RPTOR: variants seen among roughly 807,000 people sequenced by gnomAD.
RPTOR encodes regulatory associated protein of MTOR complex 1.
A neutral mutation model predicts 169.9 loss-of-function variants in RPTOR; 21 were observed. The observed-to-expected ratio is 0.12, with a 90% confidence interval of 0.09 to 0.18. The LOEUF (loss-of-function observed/expected upper bound fraction) is 0.18. RPTOR is among the 10% of genes least tolerant of loss of function. RPTOR has a pLI of 1.00. For missense variants in RPTOR, 1,133 were observed against 1,855.9 expected, an observed-to-expected ratio of 0.61 and a Z score of 7.16; for synonymous variants, 732 against 753.2, an observed-to-expected ratio of 0.97 and a Z score of 0.46.
chr17:80,756,653 G>A (rs561283888), intron 6 of RPTOR, among the ~76,000 whole-genome samples: 2 of 152,104 alleles, frequency 1.3e-5, no homozygotes, highest in Non-Finnish European at 2.9e-5. Context: ...ATAGTACCCA[G>A]TTTAGCTTCA....
intron 4 of RPTOR, among the ~76,000 whole-genome samples, chr17:80,718,800 CAT>C (rs1384338468): frequency 6.6e-6 from 1 of 152,228 alleles, no homozygotes; most frequent in East Asian, 1.9e-4. Flanking sequence ...CAGGCTAAGG[CAT>C]AGAGCACCTC....
intron 11 of RPTOR, among the ~76,000 whole-genome samples, chr17:80,852,315 G>C (rs1256451231): frequency 6.6e-6 from 1 of 152,146 alleles, no homozygotes; most frequent in African/African-American, 2.4e-5. Flanking sequence ...ATGGAGGCAG[G>C]GTTAACATCA....
chr17:80,610,076 G>A (rs2065259310), intron 1 of RPTOR, among the ~76,000 whole-genome samples: 1 of 152,164 alleles, frequency 6.6e-6, no homozygotes, highest in Non-Finnish European at 1.5e-5. Context: ...AATGGTCATA[G>A]AGTTGCTTTT....
intron 2 of RPTOR, among the ~76,000 whole-genome samples, chr17:80,630,203 A>C (rs949190744): frequency 1.3e-5 from 2 of 152,176 alleles, no homozygotes; most frequent in Admixed American, 6.5e-5. Context: ...TCTTGACTGT[A>C]ATTTGCTTTT....
At chr17:80,675,517 T>C (rs2065855245) in intron 3 of RPTOR, among the ~76,000 whole-genome samples, 1 of 152,242 alleles carries the variant, frequency 6.6e-6, no homozygotes, top group African/African-American at 2.4e-5. Flanking sequence ...GCTCTGCGTC[T>C]GCAGCCCTCT....
chr17:80,777,426 C>T (rs181327047), intron 6 of RPTOR, among the ~76,000 whole-genome samples: 179 of 152,236 alleles, frequency 1.2e-3, no homozygotes, highest in African/African-American at 4.2e-3. Flanking sequence ...GAAAGTGTCT[C>T]TGGTATGTCT....
chr17:80,788,293 C>A (rs1020597555), intron 6 of RPTOR, among the ~76,000 whole-genome samples: 4 of 151,968 alleles, frequency 2.6e-5, no homozygotes, highest in African/African-American at 9.7e-5. Context: ...ACCAACATGG[C>A]AAAACCCCAC....
intron 6 of RPTOR, among the ~76,000 whole-genome samples, chr17:80,757,637 T>C (rs1454616568): frequency 6.6e-6 from 1 of 152,174 alleles, no homozygotes; most frequent in Admixed American, 6.5e-5. Flanking sequence ...GGGGGGTCCA[T>C]GCAATATTTT....
At position 80,936,743 on chromosome 17, in the gene RPTOR, T is replaced by C. The variant is rs2068959179; in HGVS notation, c.2920-3753T>C. On this transcript the variant is annotated intron_variant, in intron 24 of 33. Coordinates refer to ENST00000306801, the MANE Select transcript of RPTOR (RefSeq NM_020761.3). The surrounding 1 kb of genome is among the most constrained non-coding windows in gnomAD (Gnocchi z 4.1). ...TACGTAAGTTACATCTTCATCAACC[T>C]CATGTTGCGGGGAGAAGAAACTCTT... Among the ~76,000 whole-genome samples, 1 of 152,184 alleles carries C rather than the reference T, an allele frequency of 6.6e-6. No individual in the cohort carries two copies. Among genetic ancestry groups the C allele is most frequent in the Non-Finnish European group, 1.5e-5 (1 of 68,036 alleles).
chr17:80,896,553 ACACCCCACACAGCCGCG>A (rs1380515283), intron 20 of RPTOR, among the ~76,000 whole-genome samples: 5 of 13,246 alleles, frequency 3.8e-4, no homozygotes, highest in African/African-American at 7.3e-4. Flanking sequence ...GGCCGCGCCG[ACACCCCACACAGCCGCG>A]CCGACACCCC....
chr17:80,598,490 C>G (rs1193140426), intron 1 of RPTOR, among the ~76,000 whole-genome samples: 1 of 152,114 alleles, frequency 6.6e-6, no homozygotes, highest in Admixed American at 6.5e-5. Context: ...TATTAGGAGA[C>G]AAAAAGGTTT....
At chr17:80,852,319 A>T (rs2067801859) in intron 11 of RPTOR, among the ~76,000 whole-genome samples, 1 of 152,180 alleles carries the variant, frequency 6.6e-6, no homozygotes, top group South Asian at 2.1e-4. Context: ...AGGCAGGGTT[A>T]ACATCAGGTT....
intron 21 of RPTOR, among the ~76,000 whole-genome samples, chr17:80,913,109 T>C (rs975073154): frequency 6.6e-6 from 1 of 152,208 alleles, no homozygotes; most frequent in Non-Finnish European, 1.5e-5. Context: ...TAAATCTTTC[T>C]TGTCTTCATT....
At position 80,715,296 on chromosome 17, in the gene RPTOR, G is replaced by A. The variant is rs951274484; in HGVS notation, c.507+7297G>A. Among the ~76,000 whole-genome samples the A allele has an allele frequency of 3.9e-5, 6 of 152,008 alleles. No individual in the cohort carries two copies. In the East Asian group the frequency reaches 9.6e-4, roughly 24 times the overall value. ...ATCCTATAAGCATTAAAAAGGTAAGGGAATATTATTAATTTTATATACATT... is the reference window on the plus strand; with the variant it reads ...ATCCTATAAGCATTAAAAAGGTAAGAGAATATTATTAATTTTATATACATT... On this transcript the variant is annotated intron_variant, in intron 4 of 33. Coordinates refer to ENST00000306801, the MANE Select transcript of RPTOR (RefSeq NM_020761.3).
intron 12 of RPTOR, among the ~76,000 whole-genome samples, chr17:80,857,308 G>A (rs2067863555): frequency 6.6e-6 from 1 of 152,258 alleles, no homozygotes; most frequent in Non-Finnish European, 1.5e-5. Flanking sequence ...TATCTGAAGT[G>A]CAAACATGAG....
At chr17:80,728,580 C>T (rs1174924410) in intron 4 of RPTOR, among the ~76,000 whole-genome samples, 4 of 151,920 alleles carry the variant, frequency 2.6e-5, no homozygotes, top group Non-Finnish European at 4.4e-5. Context: ...ATTAGAGTTA[C>T]GTATGTGGGT....
At chr17:80,554,613 G>A (rs988064352) in intron 1 of RPTOR, among the ~76,000 whole-genome samples, 2 of 151,954 alleles carry the variant, frequency 1.3e-5, no homozygotes, top group Non-Finnish European at 2.9e-5. Context: ...GCGAGGTGAC[G>A]GGCGCCTGTA....
At chr17:80,791,266 A>G (rs560278954) in intron 6 of RPTOR, among the ~76,000 whole-genome samples, 184 bp from the exon 7 acceptor site, 34 of 152,006 alleles carry the variant, frequency 2.2e-4, no homozygotes, top group African/African-American at 8.2e-4. Flanking sequence ...TCACGCCTTG[A>G]CAGAATGGCA....
intron 1 of RPTOR, among the ~76,000 whole-genome samples, chr17:80,560,865 G>A (rs896514407): frequency 7.2e-5 from 11 of 152,088 alleles, no homozygotes; most frequent in Non-Finnish European, 4.4e-5. Flanking sequence ...GGGGTGACTG[G>A]CGGTCAATAG....
Sources: gnomAD v4.1 joint callset for allele counts (sites outside exome capture counted in the v4.1 genomes callset) on GRCh38, gnomAD v4.1.1 for gene constraint, Gnocchi (gnomAD v3.1) non-coding constraint, MANE v1.5 for transcripts, NCBI Gene and HGNC (gene_info 2026-07-23, HGNC 2026-07-21) for gene names.